DGKG: variants seen among roughly 807,000 people sequenced by gnomAD.
DGKG encodes the protein DAG kinase gamma.
Under a neutral mutation model 105.3 loss-of-function variants are expected in DGKG, and 78 were observed. That is an observed-to-expected ratio of 0.74 (90% CI 0.62 to 0.89). The LOEUF is 0.89. Ranked by LOEUF, DGKG falls within the 40% of genes least tolerant of loss-of-function variation. The pLI is 0.00. For missense variants in DGKG, 958 were observed against 1,020.1 expected (o/e 0.94, Z 0.83); for synonymous variants, 346 against 367.1 (o/e 0.94, Z 0.66).
At chr3:186,299,853 G>T (rs1266170650) in intron 3 of DGKG, among the ~76,000 whole-genome samples, 146 of 24,926 alleles carry the variant, frequency 5.9e-3, no homozygotes, top group African/African-American at 0.011. Context: ...TTTTTTTTTT[G>T]AGATAGAGCC....
chr3:186,254,544 G>C (rs1475179131), intron 17 of DGKG, among the ~76,000 whole-genome samples: 1 of 152,098 alleles, frequency 6.6e-6, no homozygotes, highest in Non-Finnish European at 1.5e-5. Context: ...CTGTTGTTAT[G>C]GTGTTTAGGC....
Position 186,149,305 on chromosome 3 carries a change from G to A in DGKG, c.*785C>T, listed in dbSNP as rs1274089507. 12 of 984,638 alleles carry A rather than the reference G, an allele frequency of 1.2e-5. No homozygotes were observed. The African/African-American group carries it at 1.2e-4, about 10-fold the overall frequency. The allele number at this position is 984,638 out of a possible 1,614,324, so 61.0% of individuals were successfully genotyped here. A position where few individuals can be genotyped will look rare whatever the true frequency, so the allele number is the denominator to read the frequency against. ...TTGAAAAATAAATCCCAGTTTCTCCGCTCTCCCTCCCAGGTGTTCACAGAA... is the reference window on the plus strand; with the variant it reads ...TTGAAAAATAAATCCCAGTTTCTCCACTCTCCCTCCCAGGTGTTCACAGAA... On this transcript the variant is annotated 3_prime_UTR_variant, in exon 25 of 25. Coordinates refer to ENST00000265022, the MANE Select transcript of DGKG (RefSeq NM_001346.3).
intron 20 of DGKG, among the ~76,000 whole-genome samples, chr3:186,241,569 A>G (rs960043010): frequency 6.6e-6 from 1 of 152,002 alleles, no homozygotes; most frequent in African/African-American, 2.4e-5. Context: ...AAATAAATAA[A>G]TAAATAAATA....
At chr3:186,243,558 C>G (rs1720788074) in intron 19 of DGKG, among the ~76,000 whole-genome samples, 1 of 152,194 alleles carries the variant, frequency 6.6e-6, no homozygotes, top group Non-Finnish European at 1.5e-5. Context: ...AGCCTCAAAC[C>G]TGAAACGGAA....
At chr3:186,353,656 GTCTATATCTATATCTATATCTATA>G (rs200198956) in intron 1 of DGKG, among the ~76,000 whole-genome samples, 1 of 116,154 alleles carries the variant, frequency 8.6e-6, no homozygotes, top group Non-Finnish European at 1.7e-5. Flanking sequence ...CTATGTCTAT[GTCTATATCTATATCTATATCTATA>G]TCTATATCTA....
chr3:186,270,489 G>A (rs1722265720), intron 11 of DGKG, among the ~76,000 whole-genome samples: 3 of 152,192 alleles, frequency 2.0e-5, no homozygotes, highest in Admixed American at 6.5e-5. Flanking sequence ...CCCTAAGAAT[G>A]TTTTTGGCAA....
At chr3:186,268,983 G>A in intron 11 of DGKG, 66 bp from the exon 12 acceptor site, 1 of 1,161,296 alleles carries the variant, frequency 8.6e-7, no homozygotes, top group Non-Finnish European at 1.3e-6. Context: ...CCCTGGGCTG[G>A]AGGAGAAGGA....
At chr3:186,343,226 A>G (rs192267046) in intron 1 of DGKG, among the ~76,000 whole-genome samples, 240 of 152,302 alleles carry the variant, frequency 1.6e-3, no homozygotes, top group Non-Finnish European at 1.6e-3. Context: ...TCTTTGAAGA[A>G]TTTTGGAGAA....
chr3:186,300,599 T>C (rs189535265), intron 3 of DGKG, among the ~76,000 whole-genome samples: 38 of 152,348 alleles, frequency 2.5e-4, no homozygotes, highest in Non-Finnish European at 1.8e-4. Context: ...CTTTTTTGCA[T>C]TGTCTCTTTG....
chr3:186,291,635 C>G (rs1393618568), intron 5 of DGKG, among the ~76,000 whole-genome samples: 1 of 151,796 alleles, frequency 6.6e-6, no homozygotes, highest in Non-Finnish European at 1.5e-5. Flanking sequence ...AAAAGGCAGA[C>G]CCAAAAGAGT....
At chr3:186,224,008 T>C (rs1013904723) in intron 20 of DGKG, among the ~76,000 whole-genome samples, 3 of 152,226 alleles carry the variant, frequency 2.0e-5, no homozygotes, top group Non-Finnish European at 2.9e-5. Flanking sequence ...TCCCAGCCAG[T>C]TCCTTGGGAG....
intron 1 of DGKG, among the ~76,000 whole-genome samples, chr3:186,337,023 C>A (rs555519326): frequency 6.6e-6 from 1 of 152,150 alleles, no homozygotes; most frequent in South Asian, 2.1e-4. Context: ...CCCTCCTGGC[C>A]CAGACAATAT....
At chr3:186,156,260 C>T (rs902910366) in intron 24 of DGKG, among the ~76,000 whole-genome samples, 1 of 151,234 alleles carries the variant, frequency 6.6e-6, no homozygotes, top group African/African-American at 2.4e-5. Flanking sequence ...AACTGGGGGG[C>T]TTTTTTTTGC....
At chr3:186,263,707 T>C (rs1721900748) in intron 14 of DGKG, among the ~76,000 whole-genome samples, 1 of 151,928 alleles carries the variant, frequency 6.6e-6, no homozygotes, top group South Asian at 2.1e-4. Flanking sequence ...ATCAACTGGA[T>C]TTAAAATGCA....
chr3:186,150,166 T>A lies in DGKG; in HGVS notation c.2300A>T (p.Gln767Leu). The A allele has an allele frequency of 1.2e-6, 2 of 1,612,886 alleles. No homozygotes were observed. Among genetic ancestry groups the A allele is most frequent in the African/African-American group, 2.7e-5 (2 of 74,926 alleles). ...GGGAGGCCCCATCATCATGGGCGCT[T>A]GGTTCTTGTGAGTAATTTTAATCTA... ...CCTIKITHKN[Q>L]APMMMGPPQK... Residue 767 changes from glutamine to leucine, a missense_variant, in exon 25 of 25, where the codon CAA becomes CTA. Gln to Leu is a moderately radical substitution (Grantham distance 113). This residue lies in a region of DGKG where 315 missense variants were observed against 400.6 expected (regional missense o/e 0.79). Transcript: ENST00000265022.
At chr3:186,290,885 G>T (rs1723282434) in intron 5 of DGKG, among the ~76,000 whole-genome samples, 1 of 152,214 alleles carries the variant, frequency 6.6e-6, no homozygotes, top group Non-Finnish European at 1.5e-5. Context: ...CTAAGGCTGG[G>T]GAAAGAACTA....
chr3:186,351,251 AC>A (rs1414375073), intron 1 of DGKG, among the ~76,000 whole-genome samples: 1 of 152,208 alleles, frequency 6.6e-6, no homozygotes, highest in African/African-American at 2.4e-5. Context: ...AGTTGTCAGT[AC>A]TATAACAAAT....
chr3:186,307,008 T>C (rs756579455), intron 2 of DGKG, 31 bp from the exon 3 acceptor site: 3 of 1,468,438 alleles, frequency 2.0e-6, no homozygotes, highest in East Asian at 2.3e-5. Context: ...TGTGAAACAC[T>C]GGCAAATAGC....
intron 3 of DGKG, among the ~76,000 whole-genome samples, chr3:186,302,512 GTGTATA>G (rs1298984615): frequency 2.1e-3 from 32 of 15,098 alleles, no homozygotes; most frequent in South Asian, 0.012. Context: ...ATATACATAT[GTGTATA>G]TATATATATA....
Sources: gnomAD v4.1 joint callset for allele counts (sites outside exome capture counted in the v4.1 genomes callset) on GRCh38, gnomAD v4.1.1 for gene constraint, gnomAD v4.1.1 regional missense constraint, MANE v1.5 for transcripts, NCBI Gene and HGNC (gene_info 2026-07-23, HGNC 2026-07-21) for gene names.